The following BTLA variants were observed in gnomAD, a reference collection of about 807,000 sequenced individuals.
The protein encoded by BTLA is B and T lymphocyte associated.
In BTLA, 11 loss-of-function variants were observed where a neutral mutation model predicts 25.0. The observed-to-expected ratio is 0.44, with a 90% CI of 0.28 to 0.73. BTLA has a LOEUF of 0.73. Ranked by LOEUF, BTLA falls within the 30% of genes least tolerant of loss-of-function variation. The pLI, the probability that BTLA is intolerant of heterozygous loss-of-function variation, is 0.15. For synonymous variants in BTLA, 104 were observed against 119.8 expected, an observed-to-expected ratio of 0.87 and a Z score of 0.86; for missense variants, 282 against 332.8, an observed-to-expected ratio of 0.85 and a Z score of 1.19.
intron 1 of BTLA, among the ~76,000 whole-genome samples, chr3:112,492,388 A>C (rs1302841132): frequency 1.3e-5 from 2 of 152,244 alleles, no homozygotes; most frequent in Non-Finnish European, 2.9e-5. Context: ...GAAGAAACAT[A>C]GGGCAGCAAA....
chr3:112,486,251 G>GCT (rs2107329569), intron 1 of BTLA, among the ~76,000 whole-genome samples: 1 of 152,236 alleles, frequency 6.6e-6, no homozygotes, highest in South Asian at 2.1e-4. Flanking sequence ...AACCACTAGT[G>GCT]GTATATATAT....
At chr3:112,470,137 C>G (rs911297881) in intron 3 of BTLA, 4 of 189,316 alleles carry the variant, frequency 2.1e-5, no homozygotes, top group African/African-American at 9.4e-5. Context: ...CCTATGTAGC[C>G]AAGATCTCCT....
chr3:112,478,653 T>C (rs1257401623), intron 2 of BTLA, among the ~76,000 whole-genome samples: 1 of 152,152 alleles, frequency 6.6e-6, no homozygotes, highest in Non-Finnish European at 1.5e-5. Flanking sequence ...GAATTTTCAG[T>C]TTAATGTTAA....
chr3:112,493,658 C>T (rs7613232), intron 1 of BTLA, among the ~76,000 whole-genome samples: 33 of 152,308 alleles, frequency 2.2e-4, no homozygotes, highest in African/African-American at 6.7e-4. Context: ...TGTCCCACCA[C>T]GCCCAGCTAA....
intron 1 of BTLA, among the ~76,000 whole-genome samples, chr3:112,484,629 G>C (rs752179336): frequency 1.3e-5 from 2 of 152,162 alleles, no homozygotes; most frequent in Non-Finnish European, 2.9e-5. Flanking sequence ...TTTAGCCATA[G>C]GGCTATCACT....
chr3:112,466,297 A>T lies in BTLA; in HGVS notation c.681T>A (p.Asp227Glu), dbSNP rs1234089951. ...QVLLSETGIY[D>E]NDPDLCFRMQ... ...TCCTGAAACAAAGGTCAGGGTCATT[A>T]TCATAAATTCCAGTTTCTGATAGCA... Residue 227 changes from aspartate (D) to glutamate (E), a missense_variant, in exon 5 of 5, where the codon GAT (aspartate) becomes GAA (glutamate). Transcript: ENST00000334529. The T allele has an allele frequency of 6.2e-7, 1 of 1,613,934 alleles. No individual in the cohort carries two copies. The highest frequency in any genetic ancestry group is 8.5e-7 in the Non-Finnish European group (1 of 1,179,962).
chr3:112,496,729 G>A (rs1392196844), intron 1 of BTLA, among the ~76,000 whole-genome samples: 1 of 151,958 alleles, frequency 6.6e-6, no homozygotes, highest in Non-Finnish European at 1.5e-5. Context: ...TATATCAACT[G>A]GTATATATCT....
chr3:112,489,372 A>G (rs1576690367), intron 1 of BTLA, among the ~76,000 whole-genome samples: 1 of 152,324 alleles, frequency 6.6e-6, no homozygotes, highest in East Asian at 1.9e-4. Context: ...AAAGAGGGTT[A>G]TGATTATGAA....
rs72938438 is a variant in BTLA at position 112,495,846 on chromosome 3, C to T, written c.88+3425G>A. On this transcript the variant is annotated intron_variant, in intron 1 of 4. Transcript: ENST00000334529. ...AACAATCTGTGTGGGATGTGGAACACGGTGTTTAAAAGCTGGTCCATGGAC... is the reference window on the plus strand; with the variant it reads ...AACAATCTGTGTGGGATGTGGAACATGGTGTTTAAAAGCTGGTCCATGGAC... Among the ~76,000 whole-genome samples the T allele has an allele frequency of 4.4e-3, 670 of 152,138 alleles. 4 individuals are homozygous for T. Among genetic ancestry groups the T allele is most frequent in the African/African-American group, 0.015 (642 of 41,502 alleles).
intron 1 of BTLA, among the ~76,000 whole-genome samples, chr3:112,483,951 C>T (rs1440740261): frequency 1.4e-5 from 2 of 147,290 alleles, no homozygotes; most frequent in Admixed American, 6.8e-5. Context: ...CTGGGCAACA[C>T]AGTAAGACTC....
At chr3:112,493,768 C>A (rs2107339564) in intron 1 of BTLA, among the ~76,000 whole-genome samples, 1 of 151,156 alleles carries the variant, frequency 6.6e-6, no homozygotes, top group Non-Finnish European at 1.5e-5. Flanking sequence ...TCCTGAAGTG[C>A]TGGGATTACA....
intron 1 of BTLA, among the ~76,000 whole-genome samples, chr3:112,498,909 G>GA: frequency 6.6e-6 from 1 of 152,132 alleles, no homozygotes; most frequent in Non-Finnish European, 1.5e-5. Context: ...ACTCAGTTTG[G>GA]AAAGAACGAG....
rs1372998789 is a variant in BTLA at position 112,465,428 on chromosome 3, G to C, written c.*680C>G. On this transcript the variant is annotated 3_prime_UTR_variant, in exon 5 of 5. Coordinates refer to ENST00000334529, the MANE Select transcript of BTLA (RefSeq NM_181780.4). The stretch of plus-strand genomic sequence containing the variant: ...TTTCCTCATAAATGTGCTATACGTT[G>C]ACTGCTCCATTAATACCTATATTTG... 3 of 152,560 alleles carry C rather than the reference G, an allele frequency of 2.0e-5. No individual in the cohort carries two copies. Among genetic ancestry groups the C allele is most frequent in the East Asian group, 3.8e-4 (2 of 5,196 alleles). 9.5% of individuals were successfully genotyped at this position (152,560 alleles called of 1,614,324 possible). A position where few individuals can be genotyped will look rare whatever the true frequency, so the allele number is the denominator to read the frequency against.
In BTLA at chr3:112,491,406, A is replaced by C. The variant is rs533899472; in HGVS notation, c.88+7865T>G. Among the ~76,000 whole-genome samples, 6 of 152,342 alleles carry C rather than the reference A, an allele frequency of 3.9e-5. No individual in the cohort carries two copies. In the South Asian group the frequency reaches 1.2e-3, roughly 32 times the overall value. The stretch of plus-strand genomic sequence containing the variant: ...TATGAGGTAGGCACTTTTAGATACC[A>C]AACATGTATTGTTTCATTTGACCCT... On this transcript the variant is annotated intron_variant, in intron 1 of 4. Transcript: ENST00000334529.
At position 112,499,432 on chromosome 3, in the gene BTLA, T is replaced by C; in HGVS notation, c.-74A>G. The C allele has an allele frequency of 6.2e-6, 8 of 1,297,804 alleles. No homozygotes were observed. Among genetic ancestry groups the C allele is most frequent in the Non-Finnish European group, 8.6e-6 (8 of 935,054 alleles). 80.4% of individuals were successfully genotyped at this position (1,297,804 alleles called of 1,614,324 possible). On this transcript the variant is annotated 5_prime_UTR_variant, in exon 1 of 5. Transcript: ENST00000334529. ...CTTCGTCTTCTGAGTGCTGCAGAGTTGGGTCAGTTTACCTACCCCAGTGGC... is the reference window on the plus strand; with the variant it reads ...CTTCGTCTTCTGAGTGCTGCAGAGTCGGGTCAGTTTACCTACCCCAGTGGC...
At position 112,469,795 on chromosome 3, in the gene BTLA, T is replaced by C; in HGVS notation, c.557A>G (p.Asn186Ser). Residue 186 changes from asparagine to serine, a missense_variant, in exon 4 of 5, where the codon AAT becomes AGT. Physicochemically the swap from Asn to Ser is conservative, Grantham distance 46. This residue lies in a region of BTLA where 163 missense variants were observed against 230.4 expected (regional missense o/e 0.71). Coordinates refer to ENST00000334529, the MANE Select transcript of BTLA (RefSeq NM_181780.4). Reference sequence around the variant, plus strand: ...CCTTCCTGCTGTGTCAGAGAGTTCATTTTGCTTTCCTGGAAGACAAAAAGA... The same window carrying C: ...CCTTCCTGCTGTGTCAGAGAGTTCACTTTGCTTTCCTGGAAGACAAAAAGA... ...CCLRRHQGKQ[N>S]ELSDTAGREI... 1 of 1,610,334 alleles carries C rather than the reference T, an allele frequency of 6.2e-7. No individual in the cohort carries two copies. Among genetic ancestry groups the C allele is most frequent in the Non-Finnish European group, 8.5e-7 (1 of 1,179,178 alleles).
intron 1 of BTLA, 84 bp downstream of exon 1, chr3:112,499,187 C>G: frequency 2.1e-6 from 2 of 967,040 alleles, no homozygotes; most frequent in African/African-American, 1.6e-5. Context: ...AAACGTTACA[C>G]CGTACTAAGT....
intron 1 of BTLA, among the ~76,000 whole-genome samples, chr3:112,480,135 A>G (rs536585169): frequency 6.6e-6 from 1 of 152,134 alleles, no homozygotes; most frequent in South Asian, 2.1e-4. Context: ...CCCCACCCTA[A>G]CTGATCAATG....
At chr3:112,482,413 G>A (rs1198125779) in intron 1 of BTLA, among the ~76,000 whole-genome samples, 1 of 152,214 alleles carries the variant, frequency 6.6e-6, no homozygotes, top group East Asian at 1.9e-4. Flanking sequence ...GAACCAAGGA[G>A]CAAATTTTGA....
Sources: allele counts gnomAD v4.1 joint callset (sites outside exome capture counted in the v4.1 genomes callset), GRCh38; gene constraint gnomAD v4.1.1; regional missense constraint gnomAD v4.1.1; transcripts MANE v1.5; gene names NCBI Gene and HGNC (gene_info 2026-07-23, HGNC 2026-07-21).